The following SLIT3 variants were observed in gnomAD, a reference collection of about 807,000 sequenced individuals.
SLIT3 encodes slit guidance ligand 3, also known as slit homolog 3 protein.
In SLIT3, 68 loss-of-function variants were observed where a neutral mutation model predicts 184.0. The ratio of observed to expected loss-of-function variants is 0.37; its 90% CI spans 0.30 to 0.45. SLIT3 has a LOEUF of 0.45. Ranked by LOEUF, SLIT3 falls within the 20% of genes least tolerant of loss-of-function variation. SLIT3 has a pLI of 1.00. For synonymous variants in SLIT3, 831 were observed against 828.6 expected, an observed-to-expected ratio of 1.00 and a Z score of -0.05; for missense variants, 1,707 against 2,026.0, an observed-to-expected ratio of 0.84 and a Z score of 3.02.
intron 4 of SLIT3, among the ~76,000 whole-genome samples, chr5:168,929,596 A>G (rs1461481825): frequency 6.6e-6 from 1 of 152,230 alleles, no homozygotes; most frequent in Admixed American, 6.5e-5. Flanking sequence ...ACAATTGGAA[A>G]TGAGACTTCT....
intron 12 of SLIT3, among the ~76,000 whole-genome samples, chr5:168,779,097 A>G (rs990782828): frequency 6.6e-6 from 1 of 152,270 alleles, no homozygotes; most frequent in Admixed American, 6.5e-5. Flanking sequence ...TCACAAGGCC[A>G]GGTACTCCCA....
At chr5:168,881,138 T>C (rs1759934499) in intron 5 of SLIT3, among the ~76,000 whole-genome samples, 1 of 152,184 alleles carries the variant, frequency 6.6e-6, no homozygotes, top group Admixed American at 6.5e-5. Flanking sequence ...GTAGTGAGTA[T>C]AAACAAAGAG....
intron 3 of SLIT3, among the ~76,000 whole-genome samples, chr5:169,234,882 A>G (rs1182445716): frequency 2.6e-5 from 4 of 152,222 alleles, no homozygotes; most frequent in Admixed American, 6.5e-5. Flanking sequence ...GTATTCTGAC[A>G]TAAGGTTTTG....
At chr5:169,099,494 T>C (rs1759926041) in intron 4 of SLIT3, among the ~76,000 whole-genome samples, 1 of 152,266 alleles carries the variant, frequency 6.6e-6, no homozygotes, top group Non-Finnish European at 1.5e-5. Context: ...GCAACTACTG[T>C]GTGCTCTTCA....
intron 4 of SLIT3, among the ~76,000 whole-genome samples, chr5:169,015,558 C>A (rs369319860): frequency 6.6e-5 from 10 of 152,128 alleles, no homozygotes; most frequent in African/African-American, 2.4e-4. Flanking sequence ...AACTTTCTAA[C>A]CTTATTGATA....
At chr5:168,819,724 G>A (rs897954956) in intron 7 of SLIT3, among the ~76,000 whole-genome samples, 1 of 152,188 alleles carries the variant, frequency 6.6e-6, no homozygotes, top group African/African-American at 2.4e-5. Flanking sequence ...AAATGTCAGA[G>A]GTTTCCCTTT....
At chr5:168,675,120 T>C (rs942379859) in intron 32 of SLIT3, among the ~76,000 whole-genome samples, 2 of 151,988 alleles carry the variant, frequency 1.3e-5, no homozygotes, top group Non-Finnish European at 2.9e-5. Context: ...TGGTGGGAGA[T>C]GATGGGAGTT....
intron 3 of SLIT3, among the ~76,000 whole-genome samples, chr5:169,218,810 G>T (rs1178600368): frequency 1.3e-5 from 2 of 152,178 alleles, no homozygotes; most frequent in Admixed American, 6.5e-5. Context: ...AAGGCAGAAT[G>T]CAGAATGCTG....
chr5:168,942,205 C>T (rs1762355265), intron 4 of SLIT3, among the ~76,000 whole-genome samples: 1 of 152,080 alleles, frequency 6.6e-6, no homozygotes, highest in Non-Finnish European at 1.5e-5. Context: ...AAAAGAAGCT[C>T]CTTTATCTGC....
At chr5:169,266,748 G>A (rs185490974) in intron 1 of SLIT3, among the ~76,000 whole-genome samples, 7 of 152,240 alleles carry the variant, frequency 4.6e-5, no homozygotes, top group East Asian at 3.9e-4. Flanking sequence ...CTAGCAATAC[G>A]GCATAGTAGG....
At chr5:169,214,259 A>G (rs1488891741) in intron 3 of SLIT3, among the ~76,000 whole-genome samples, 1 of 152,250 alleles carries the variant, frequency 6.6e-6, no homozygotes, top group Non-Finnish European at 1.5e-5. Context: ...GAGCCCATCA[A>G]GGGGGAAAGA....
chr5:169,189,328 A>G (rs1763463687), intron 4 of SLIT3, among the ~76,000 whole-genome samples: 2 of 151,876 alleles, frequency 1.3e-5, no homozygotes, highest in African/African-American at 4.8e-5. Context: ...GTATGGTAGA[A>G]AACATAAGGA....
intron 5 of SLIT3, among the ~76,000 whole-genome samples, chr5:168,846,002 T>G (rs1277500501): frequency 2.0e-5 from 3 of 152,208 alleles, no homozygotes; most frequent in African/African-American, 7.2e-5. Context: ...AAAGCTACCT[T>G]TGGGAACCCT....
intron 4 of SLIT3, among the ~76,000 whole-genome samples, chr5:169,130,923 A>T (rs1761274542): frequency 6.6e-6 from 1 of 152,202 alleles, no homozygotes; most frequent in South Asian, 2.1e-4. Flanking sequence ...AAATATACAA[A>T]ATGTTGCAAT....
intron 14 of SLIT3, chr5:168,772,045 A>G (rs1244392816): frequency 6.6e-6 from 1 of 152,170 alleles, no homozygotes; most frequent in Non-Finnish European, 1.5e-5. Flanking sequence ...CTGTTCATGT[A>G]GCTGTCGGGT....
chr5:169,111,140 C>T (rs1291094316), intron 4 of SLIT3, among the ~76,000 whole-genome samples: 1 of 152,174 alleles, frequency 6.6e-6, no homozygotes, highest in Non-Finnish European at 1.5e-5. Flanking sequence ...GTCCTCTCTA[C>T]CTTTCACACT....
rs867297082 is a variant in SLIT3, at chr5:168,989,848, C to T, written c.414-106512G>A. ...ATTCACCCATCTGAAGTTTCATTTC[C>T]GTTTTCTGCAAAGTGAAGGGGCCAG... On this transcript the variant is annotated intron_variant, in intron 4 of 35. Transcript: ENST00000519560. Among the ~76,000 whole-genome samples the T allele has an allele frequency of 3.3e-5, 5 of 152,192 alleles. No individual in the cohort carries two copies. The South Asian group carries it at 6.2e-4, about 19-fold the overall frequency.
intron 14 of SLIT3, among the ~76,000 whole-genome samples, 178 bp from the exon 15 acceptor site, chr5:168,762,867 C>G (rs1405134489): frequency 6.6e-6 from 1 of 152,118 alleles, no homozygotes; most frequent in African/African-American, 2.4e-5. Context: ...CTTCCCTGTC[C>G]CCAGCCTTAC....
intron 3 of SLIT3, among the ~76,000 whole-genome samples, chr5:169,207,370 T>TACATACACACACACAC (rs1262446357): frequency 7.6e-6 from 1 of 131,866 alleles, no homozygotes; most frequent in African/African-American, 2.9e-5. Flanking sequence ...TACACATACA[T>TACATACACACACACAC]ACACACACAC....
Sources: gnomAD v4.1 joint callset for allele counts (sites outside exome capture counted in the v4.1 genomes callset) on GRCh38, gnomAD v4.1.1 for gene constraint, MANE v1.5 for transcripts, NCBI Gene and HGNC (gene_info 2026-07-23, HGNC 2026-07-21) for gene names.